Variants in ST6GALNAC3 observed in about 807,000 individuals in gnomAD.
ST6GALNAC3 encodes the protein ST6 N-acetylgalactosaminide alpha-2,6-sialyltransferase 3.
A neutral mutation model predicts 32.7 loss-of-function variants in ST6GALNAC3; 25 were observed. The observed-to-expected ratio is 0.76, with a 90% CI of 0.56 to 1.07. The LOEUF is 1.07. ST6GALNAC3 is among the 50% of genes least tolerant of loss of function. The pLI, the probability that ST6GALNAC3 is intolerant of heterozygous loss-of-function variation, is 0.00. For missense variants in ST6GALNAC3, 355 were observed against 382.4 expected (o/e 0.93, Z 0.60); for synonymous variants, 129 against 133.1 (o/e 0.97, Z 0.21).
chr1:76,530,005 G>C (rs544705669), intron 3 of ST6GALNAC3, among the ~76,000 whole-genome samples: 10 of 152,244 alleles, frequency 6.6e-5, no homozygotes, highest in Non-Finnish European at 1.2e-4. Context: ...TTCACCCTCT[G>C]AGAGCGTTAA....
chr1:76,587,286 A>G (rs1646975966), intron 3 of ST6GALNAC3, among the ~76,000 whole-genome samples: 1 of 152,188 alleles, frequency 6.6e-6, no homozygotes, highest in African/African-American at 2.4e-5. Flanking sequence ...GGATTGGCAG[A>G]ACATATTGTC....
intron 3 of ST6GALNAC3, among the ~76,000 whole-genome samples, chr1:76,621,273 C>T (rs1648630823): frequency 6.6e-6 from 1 of 152,044 alleles, no homozygotes; most frequent in Admixed American, 6.6e-5. Flanking sequence ...TACAGTCTTC[C>T]TCTAAGCTTT....
chr1:76,344,667 T>C (rs894139928), intron 2 of ST6GALNAC3, among the ~76,000 whole-genome samples: 1 of 152,218 alleles, frequency 6.6e-6, no homozygotes, highest in Non-Finnish European at 1.5e-5. Context: ...TATGGAATTT[T>C]GAAAACTGCC....
At chr1:76,112,898 C>A (rs555225478) in intron 1 of ST6GALNAC3, among the ~76,000 whole-genome samples, 2 of 151,884 alleles carry the variant, frequency 1.3e-5, no homozygotes, top group Non-Finnish European at 2.9e-5. Flanking sequence ...AGACGATGGG[C>A]GGCCAGGCAG....
At chr1:76,220,234 C>G (rs1655691647) in intron 1 of ST6GALNAC3, among the ~76,000 whole-genome samples, 1 of 152,046 alleles carries the variant, frequency 6.6e-6, no homozygotes, top group South Asian at 2.1e-4. Context: ...CAGTCTGCTT[C>G]TAGATGACTT....
At chr1:76,209,686 A>T (rs1471503544) in intron 1 of ST6GALNAC3, among the ~76,000 whole-genome samples, 2 of 152,214 alleles carry the variant, frequency 1.3e-5, no homozygotes, top group Non-Finnish European at 2.9e-5. Flanking sequence ...CAGTTGTTTA[A>T]AAGTTATTAA....
chr1:76,453,084 C>G (rs56179435), intron 3 of ST6GALNAC3, among the ~76,000 whole-genome samples: 24,283 of 152,052 alleles, frequency 0.16, 2,307 homozygotes, highest in South Asian at 0.39. Flanking sequence ...TTCATGGTAG[C>G]CTTGAATTAT....
chr1:76,438,098 C>A (rs532418484), intron 3 of ST6GALNAC3, among the ~76,000 whole-genome samples: 1 of 151,040 alleles, frequency 6.6e-6, no homozygotes, highest in Non-Finnish European at 1.5e-5. Context: ...CTAAGATGAT[C>A]GATCTTCTAC....
intron 3 of ST6GALNAC3, among the ~76,000 whole-genome samples, chr1:76,590,795 G>A (rs1647035836): frequency 1.3e-5 from 2 of 152,134 alleles, no homozygotes; most frequent in South Asian, 4.1e-4. Context: ...TCTTGGGCAA[G>A]TTACTTAATT....
At chr1:76,343,071 C>T (rs987335685) in intron 2 of ST6GALNAC3, among the ~76,000 whole-genome samples, 2 of 151,980 alleles carry the variant, frequency 1.3e-5, no homozygotes, top group East Asian at 1.9e-4. Flanking sequence ...GAAGCCCGTC[C>T]GTTTAATTCA....
chr1:76,231,319 T>A (rs1057374882), intron 1 of ST6GALNAC3, among the ~76,000 whole-genome samples: 4 of 152,204 alleles, frequency 2.6e-5, no homozygotes, highest in South Asian at 2.1e-4. Flanking sequence ...AATTTTTTTT[T>A]ATTATTTTAT....
In ST6GALNAC3 at chr1:76,543,059, G is replaced by C. The variant is rs554168511; in HGVS notation, c.624-84393G>C. On this transcript the variant is annotated intron_variant, in intron 3 of 4. Coordinates refer to ENST00000328299, the MANE Select transcript of ST6GALNAC3 (RefSeq NM_152996.4). ...CTTGCTTTTCTGCAGAACAGCTCAT[G>C]CCTGAAAAAGTTGATAATGATTTCA... 2.6e-5 allele frequency among the ~76,000 whole-genome samples: 4 copies of C among 152,278 alleles called. No homozygotes were observed. In the East Asian group the frequency reaches 7.7e-4, roughly 29 times the overall value.
intron 3 of ST6GALNAC3, among the ~76,000 whole-genome samples, chr1:76,549,977 T>C (rs1664527399): frequency 6.6e-6 from 1 of 152,228 alleles, no homozygotes. Context: ...TCAAGTTTTG[T>C]TTTATAAAAA....
intron 1 of ST6GALNAC3, among the ~76,000 whole-genome samples, chr1:76,117,151 A>G (rs1309164084): frequency 6.6e-6 from 1 of 152,088 alleles, no homozygotes; most frequent in Admixed American, 6.5e-5. Context: ...TATTTTCTCT[A>G]TATGTGCAGG....
rs1654301337 is a variant in ST6GALNAC3, at chr1:76,412,259, G to T, written c.465G>T (p.Trp155Cys). 6.2e-7 allele frequency: 1 copy of T among 1,613,416 alleles called. No homozygotes were observed. Among genetic ancestry groups the T allele is most frequent in the African/African-American group, 1.3e-5 (1 of 74,874 alleles). ...CGAATACTACTATTTATGTTATTTG[G>T]GGACCTTTCCGCAATATGAGGAAAG... Reference protein sequence around the residue: ...KEANTTIYVIWGPFRNMRKDG... With the variant: ...KEANTTIYVICGPFRNMRKDG... The change falls in exon 3 of 5, where the codon TGG becomes TGT. Residue 155 changes from tryptophan to cysteine, a missense_variant. Transcript: ENST00000328299.
At chr1:76,596,903 C>T (rs2100609047) in intron 3 of ST6GALNAC3, among the ~76,000 whole-genome samples, 1 of 152,276 alleles carries the variant, frequency 6.6e-6, no homozygotes, top group East Asian at 1.9e-4. Context: ...TACTTGTGAG[C>T]TTATAATTAT....
chr1:76,433,389 C>T (rs1655911230), intron 3 of ST6GALNAC3, among the ~76,000 whole-genome samples: 1 of 151,988 alleles, frequency 6.6e-6, no homozygotes, highest in African/African-American at 2.4e-5. Context: ...GCTCTAAAGT[C>T]CAAAAGGATA....
intron 1 of ST6GALNAC3, among the ~76,000 whole-genome samples, chr1:76,255,528 A>T (rs1657871525): frequency 6.6e-6 from 1 of 152,132 alleles, no homozygotes; most frequent in Non-Finnish European, 1.5e-5. Context: ...ATGGCCCTGT[A>T]AGGCTGAATT....
chr1:76,261,015 G>A (rs2100728309), intron 1 of ST6GALNAC3, among the ~76,000 whole-genome samples: 1 of 140,046 alleles, frequency 7.1e-6, no homozygotes, highest in South Asian at 2.4e-4. Context: ...CACACACGCT[G>A]TGAAATGGCC....
Sources: gnomAD v4.1 joint callset for allele counts (sites outside exome capture counted in the v4.1 genomes callset) on GRCh38, gnomAD v4.1.1 for gene constraint, MANE v1.5 for transcripts, NCBI Gene and HGNC (gene_info 2026-07-23, HGNC 2026-07-21) for gene names.